Variants in PTPRD observed in about 807,000 individuals in gnomAD.
PTPRD encodes receptor-type tyrosine-protein phosphatase delta.
Under a neutral mutation model 214.5 loss-of-function variants are expected in PTPRD, and 34 were observed. The observed-to-expected ratio is 0.16, with a 90% confidence interval of 0.12 to 0.21. The LOEUF is 0.21. PTPRD is among the 10% of genes least tolerant of loss of function. The pLI is 1.00. For synonymous variants in PTPRD, 1,128 were observed against 845.7 expected (o/e 1.33, Z -5.79); for missense variants, 2,545 against 2,398.7 (o/e 1.06, Z -1.27).
intron 10 of PTPRD, among the ~76,000 whole-genome samples, chr9:9,084,449 T>C (rs149884730): frequency 6.6e-6 from 1 of 152,264 alleles, no homozygotes; most frequent in East Asian, 1.9e-4. Flanking sequence ...AAATAACTAT[T>C]GCAGATGACA....
intron 4 of PTPRD, among the ~76,000 whole-genome samples, chr9:9,986,248 A>C (rs1326864153): frequency 2.6e-5 from 4 of 152,140 alleles, no homozygotes; most frequent in Admixed American, 2.0e-4. Context: ...CAAAAATTCC[A>C]CATCTAGGAA....
chr9:9,353,124 G>C (rs1338852646), intron 9 of PTPRD, among the ~76,000 whole-genome samples: 1 of 151,868 alleles, frequency 6.6e-6, no homozygotes, highest in Non-Finnish European at 1.5e-5. Context: ...TTCAGGCTCG[G>C]TCAAAAGACT....
In PTPRD at chr9:9,106,816, T is replaced by C. The variant is rs28728354; in HGVS notation, c.-143+76488A>G. On this transcript the variant is annotated intron_variant, in intron 10 of 45. Coordinates refer to ENST00000381196, the MANE Select transcript of PTPRD (RefSeq NM_002839.4). Reference sequence around the variant, plus strand: ...GAAATCTATCCCTTATCCACCTCCATGGATTGGAATTGTTTTGTTCTATCT... The same window carrying C: ...GAAATCTATCCCTTATCCACCTCCACGGATTGGAATTGTTTTGTTCTATCT... Among the ~76,000 whole-genome samples, 752 of 152,244 alleles carry C rather than the reference T, an allele frequency of 4.9e-3. 13 individuals carry two copies. The highest frequency in any genetic ancestry group is 0.017 in the African/African-American group (720 of 41,568).
intron 7 of PTPRD, among the ~76,000 whole-genome samples, chr9:9,595,940 T>C (rs1056273892): frequency 2.0e-5 from 3 of 146,678 alleles, no homozygotes; most frequent in Non-Finnish European, 4.5e-5. Context: ...GAATAACCTA[T>C]GGAAATAAAA....
intron 4 of PTPRD, among the ~76,000 whole-genome samples, chr9:9,973,015 G>C (rs552602773): frequency 2.0e-5 from 3 of 152,140 alleles, no homozygotes; most frequent in South Asian, 2.1e-4. Context: ...CTAGCCAAAA[G>C]AGAAGGAGGG....
chr9:9,242,969 G>T (rs2099971138), intron 9 of PTPRD, among the ~76,000 whole-genome samples: 1 of 151,960 alleles, frequency 6.6e-6, no homozygotes, highest in South Asian at 2.1e-4. Flanking sequence ...CATCTTTGTG[G>T]TTTTATCTGC....
At chr9:8,919,238 C>G (rs1384520188) in intron 11 of PTPRD, among the ~76,000 whole-genome samples, 1 of 151,856 alleles carries the variant, frequency 6.6e-6, no homozygotes, top group Non-Finnish European at 1.5e-5. Context: ...AGTAAAAATA[C>G]AAAAATTAGC....
chr9:8,350,736 C>T (rs1368266510), intron 39 of PTPRD, among the ~76,000 whole-genome samples: 1 of 151,818 alleles, frequency 6.6e-6, no homozygotes, highest in Non-Finnish European at 1.5e-5. Context: ...ATATTAATTT[C>T]TTTGACAAAA....
intron 3 of PTPRD, among the ~76,000 whole-genome samples, chr9:10,329,661 T>TATAAA (rs2096713551): frequency 6.6e-6 from 1 of 151,856 alleles, no homozygotes; most frequent in Non-Finnish European, 1.5e-5. Context: ...ACTTTTCTTA[T>TATAAA]ATAAAGGTTG....
At chr9:9,920,233 T>A (rs1229953119) in intron 5 of PTPRD, among the ~76,000 whole-genome samples, 1 of 152,134 alleles carries the variant, frequency 6.6e-6, no homozygotes, top group Non-Finnish European at 1.5e-5. Context: ...TTTGTTTACC[T>A]CAGCTTTTTG....
At chr9:8,811,937 G>C (rs946138790) in intron 11 of PTPRD, among the ~76,000 whole-genome samples, 1 of 152,116 alleles carries the variant, frequency 6.6e-6, no homozygotes. Flanking sequence ...TGAGGCCTGA[G>C]TGAAGATCTG....
intron 5 of PTPRD, among the ~76,000 whole-genome samples, chr9:9,821,755 A>C (rs913744915): frequency 2.0e-5 from 3 of 151,826 alleles, no homozygotes; most frequent in African/African-American, 7.2e-5. Flanking sequence ...TTGAGAGATA[A>C]CTACATTGGC....
chr9:9,397,689 G>A (rs935011260), intron 8 of PTPRD, among the ~76,000 whole-genome samples: 1 of 151,878 alleles, frequency 6.6e-6, no homozygotes, highest in Non-Finnish European at 1.5e-5. Context: ...GATATTAGTT[G>A]TTTATTCAAA....
chr9:9,979,843 T>TA (rs534495961), intron 4 of PTPRD, among the ~76,000 whole-genome samples: 3 of 152,138 alleles, frequency 2.0e-5, no homozygotes, highest in Non-Finnish European at 4.4e-5. Flanking sequence ...GGTCTTTATA[T>TA]AGATGAAAAT....
chr9:10,576,442 A>ATACATGATTTTTGGG (rs566405237), intron 2 of PTPRD, among the ~76,000 whole-genome samples: 108 of 152,246 alleles, frequency 7.1e-4, no homozygotes, highest in Admixed American at 1.5e-3. Flanking sequence ...TTTAAAACCA[A>ATACATGATTTTTGGG]TACATGATTT....
chr9:10,408,379 A>T (rs1271132178), intron 2 of PTPRD, among the ~76,000 whole-genome samples: 1 of 151,536 alleles, frequency 6.6e-6, no homozygotes, highest in Non-Finnish European at 1.5e-5. Flanking sequence ...ATGTCCATGG[A>T]TAGGCAAAGA....
chr9:8,483,255 AT>A (rs1404178966), intron 30 of PTPRD, among the ~76,000 whole-genome samples: 2 of 152,092 alleles, frequency 1.3e-5, no homozygotes, highest in African/African-American at 4.8e-5. Context: ...TAATGTTTAT[AT>A]TTTTTCCAAT....
intron 12 of PTPRD, among the ~76,000 whole-genome samples, chr9:8,678,329 G>T (rs117213606): frequency 1.3e-5 from 2 of 151,968 alleles, no homozygotes; most frequent in African/African-American, 4.8e-5. Flanking sequence ...TCAAAACCAC[G>T]GTTTTCCAAA....
chr9:9,833,431 A>G (rs1318135582), intron 5 of PTPRD, among the ~76,000 whole-genome samples: 2 of 151,912 alleles, frequency 1.3e-5, no homozygotes, highest in Non-Finnish European at 2.9e-5. Flanking sequence ...ATAGAATATC[A>G]CAAGGCAAGT....
Sources: gnomAD v4.1 joint callset for allele counts (sites outside exome capture counted in the v4.1 genomes callset) on GRCh38, gnomAD v4.1.1 for gene constraint, MANE v1.5 for transcripts, NCBI Gene and HGNC (gene_info 2026-07-23, HGNC 2026-07-21) for gene names.